The following BBX variants were observed in gnomAD, a reference collection of about 807,000 sequenced individuals.
The protein encoded by BBX is BBX high mobility group box domain containing.
A neutral mutation model predicts 100.2 loss-of-function variants in BBX; 30 were observed. The observed-to-expected ratio is 0.30, with a 90% CI of 0.22 to 0.41. The LOEUF (loss-of-function observed/expected upper bound fraction) is 0.41, where lower values mean the gene tolerates loss of function less well. Among genes scored for constraint, BBX ranks in the 10% least tolerant of loss-of-function variants. The probability of loss-of-function intolerance (pLI) is 1.00; values close to 1 mark genes in which losing one functional copy is unlikely to be tolerated. For missense variants in BBX, 1,023 were observed against 1,129.8 expected (o/e 0.91, Z 1.35); for synonymous variants, 376 against 388.1 (o/e 0.97, Z 0.37).
intron 7 of BBX, 82 bp downstream of exon 7, chr3:107,733,105 T>C: frequency 8.1e-7 from 1 of 1,237,498 alleles, no homozygotes; most frequent in East Asian, 2.5e-5. Flanking sequence ...TTGTTCATTC[T>C]GCATTTTCAC....
At chr3:107,605,998 C>T (rs147811475) in intron 2 of BBX, among the ~76,000 whole-genome samples, 157 of 152,270 alleles carry the variant, frequency 1.0e-3, no homozygotes, top group African/African-American at 3.7e-3. Context: ...TTTCGAAAAG[C>T]TCCAATGATA....
At chr3:107,650,693 A>G (rs1406336863) in intron 3 of BBX, among the ~76,000 whole-genome samples, 1 of 152,150 alleles carries the variant, frequency 6.6e-6, no homozygotes, top group Non-Finnish European at 1.5e-5. Flanking sequence ...TTTTGTAACT[A>G]TTAGTTGCTT....
chr3:107,643,267 C>T (rs984113634), intron 2 of BBX, among the ~76,000 whole-genome samples: 1 of 152,114 alleles, frequency 6.6e-6, no homozygotes, highest in Non-Finnish European at 1.5e-5. Flanking sequence ...GTGGTTTAGG[C>T]CACATCTGTA....
chr3:107,637,659 A>G (rs892317232), intron 2 of BBX, among the ~76,000 whole-genome samples: 1 of 152,194 alleles, frequency 6.6e-6, no homozygotes, highest in African/African-American at 2.4e-5. Context: ...ATAGGGAGAA[A>G]CATCAACTCC....
At chr3:107,622,735 A>G (rs1202616827) in intron 2 of BBX, among the ~76,000 whole-genome samples, 1 of 151,980 alleles carries the variant, frequency 6.6e-6, no homozygotes, top group Non-Finnish European at 1.5e-5. Flanking sequence ...TTGATTTTGA[A>G]TTTTATTCTG....
At chr3:107,602,846 A>T (rs1351887023) in intron 2 of BBX, among the ~76,000 whole-genome samples, 1 of 152,264 alleles carries the variant, frequency 6.6e-6, no homozygotes, top group Non-Finnish European at 1.5e-5. Context: ...TCTAATAAAG[A>T]TGCTGTGAAC....
At chr3:107,593,998 A>G (rs976284326) in intron 2 of BBX, among the ~76,000 whole-genome samples, 1 of 152,184 alleles carries the variant, frequency 6.6e-6, no homozygotes, top group Non-Finnish European at 1.5e-5. Context: ...TTCAGAGGCA[A>G]ATGCTTTTCT....
chr3:107,778,157 G>A (rs2067477945), intron 12 of BBX, among the ~76,000 whole-genome samples: 1 of 152,022 alleles, frequency 6.6e-6, no homozygotes, highest in African/African-American at 2.4e-5. Context: ...CTTTTCTAAG[G>A]TAATAACATA....
intron 8 of BBX, among the ~76,000 whole-genome samples, chr3:107,745,671 C>A (rs939337105): frequency 6.6e-6 from 1 of 151,846 alleles, no homozygotes; most frequent in Non-Finnish European, 1.5e-5. Context: ...CCAGGCTGTT[C>A]TTGAATTAGT....
chr3:107,705,208 A>G (rs987267817), intron 3 of BBX, among the ~76,000 whole-genome samples: 6 of 151,978 alleles, frequency 3.9e-5, no homozygotes, highest in Non-Finnish European at 8.8e-5. Context: ...TCTTAATTGG[A>G]CCCAGAAGAG....
At position 107,745,235 on chromosome 3, in the gene BBX, G is replaced by A. The variant is rs373668998; in HGVS notation, c.750+525G>A. On this transcript the variant is annotated intron_variant, in intron 8 of 17. Transcript: ENST00000325805. The stretch of plus-strand genomic sequence containing the variant: ...TGGTTCAAAGAGATGGTGTATAAAA[G>A]CACATTGTCCTTGATATCAAGTCTA... 1.4e-3 allele frequency among the ~76,000 whole-genome samples: 219 copies of A among 152,228 alleles called. 9 individuals carry two copies. The South Asian group carries it at 0.044, about 31-fold the overall frequency.
Position 107,705,171 on chromosome 3 carries a change from T to A in BBX, c.-9-5281T>A, listed in dbSNP as rs1022955836. Among the ~76,000 whole-genome samples, 3 of 152,268 alleles carry A rather than the reference T, an allele frequency of 2.0e-5. No homozygotes were observed. In the East Asian group the frequency reaches 5.8e-4, roughly 29 times the overall value. ...CTGGTTTTTCCTCTCCTCCGTAGAC[T>A]CTGGAGAAGGCCGTGCGGTTTTGTA... On this transcript the variant is annotated intron_variant, in intron 3 of 17. Transcript: ENST00000325805.
At chr3:107,684,871 T>G (rs1257844813) in intron 3 of BBX, among the ~76,000 whole-genome samples, 1 of 152,218 alleles carries the variant, frequency 6.6e-6, no homozygotes, top group Non-Finnish European at 1.5e-5. Flanking sequence ...CTTTCATCTT[T>G]TTTTTCTGAT....
intron 6 of BBX, among the ~76,000 whole-genome samples, chr3:107,730,510 T>G (rs1036376663): frequency 3.4e-5 from 5 of 148,444 alleles, no homozygotes; most frequent in Non-Finnish European, 7.4e-5. Flanking sequence ...TTTTTTTGCA[T>G]ACATCTGCTC....
chr3:107,566,323 C>G (rs77599876), intron 2 of BBX, among the ~76,000 whole-genome samples: 2 of 151,534 alleles, frequency 1.3e-5, no homozygotes, highest in African/African-American at 4.8e-5. Flanking sequence ...TCAACCTGAT[C>G]TTACTCTTTT....
chr3:107,720,383 A>G (rs984237337), intron 5 of BBX, among the ~76,000 whole-genome samples: 2 of 151,932 alleles, frequency 1.3e-5, no homozygotes, highest in East Asian at 3.9e-4. Context: ...AAGTGGGTGG[A>G]AGTGGATCAG....
chr3:107,649,132 A>G (rs547158539), intron 3 of BBX, among the ~76,000 whole-genome samples: 2 of 152,344 alleles, frequency 1.3e-5, no homozygotes, highest in East Asian at 1.9e-4. Context: ...TTATAAAACC[A>G]TCTGATCTCT....
chr3:107,585,580 G>A (rs557243209), intron 2 of BBX, among the ~76,000 whole-genome samples: 20 of 152,022 alleles, frequency 1.3e-4, no homozygotes, highest in Non-Finnish European at 2.5e-4. Context: ...CCATTATGGG[G>A]CTCTTACCTA....
chr3:107,689,962 A>T (rs1461571793), intron 3 of BBX, among the ~76,000 whole-genome samples: 2 of 152,196 alleles, frequency 1.3e-5, no homozygotes, highest in African/African-American at 2.4e-5. Flanking sequence ...TACCCATTTC[A>T]TGGGATTTTG....
Sources: gnomAD v4.1 joint callset for allele counts (sites outside exome capture counted in the v4.1 genomes callset) on GRCh38, gnomAD v4.1.1 for gene constraint, MANE v1.5 for transcripts, NCBI Gene and HGNC (gene_info 2026-07-23, HGNC 2026-07-21) for gene names.